Variants in PPP2R2B observed in about 807,000 individuals in gnomAD.
PPP2R2B encodes the protein serine/threonine-protein phosphatase 2A 55 kDa regulatory subunit B beta isoform.
In PPP2R2B, 5 loss-of-function variants were observed where a neutral mutation model predicts 46.0. The ratio of observed to expected loss-of-function variants is 0.11; its 90% CI spans 0.06 to 0.23. The LOEUF is 0.23. Among genes scored for constraint, PPP2R2B ranks in the 10% least tolerant of loss-of-function variants. The probability of loss-of-function intolerance (pLI) is 1.00; values close to 1 mark genes in which losing one functional copy is unlikely to be tolerated. For missense variants in PPP2R2B, 367 were observed against 575.0 expected (o/e 0.64, Z 3.70); for synonymous variants, 215 against 206.7 (o/e 1.04, Z -0.34).
intron 4 of PPP2R2B, 140 bp from the exon 5 acceptor site, chr5:146,691,380 T>C: frequency 1.6e-6 from 1 of 627,254 alleles, no homozygotes; most frequent in Non-Finnish European, 2.8e-6. Flanking sequence ...ACGTTTGGCG[T>C]GCATAAATCC....
intron 1 of PPP2R2B, among the ~76,000 whole-genome samples, chr5:147,031,046 C>T (rs1019361678): frequency 6.6e-6 from 1 of 152,072 alleles, no homozygotes; most frequent in African/African-American, 2.4e-5. Context: ...ACCATCCTGA[C>T]TAACACGGTA....
chr5:146,674,986 T>C (rs1237542839), intron 5 of PPP2R2B, among the ~76,000 whole-genome samples: 2 of 152,114 alleles, frequency 1.3e-5, no homozygotes, highest in African/African-American at 4.8e-5. Flanking sequence ...TTATTAGAGA[T>C]GGAGTCTCGC....
intron 6 of PPP2R2B, among the ~76,000 whole-genome samples, chr5:146,646,145 C>T (rs576229845): frequency 2.0e-5 from 3 of 152,286 alleles, no homozygotes; most frequent in Admixed American, 6.5e-5. Flanking sequence ...ACTCTGAAAG[C>T]GGCAAATTTG....
chr5:146,779,424 G>A (rs1413539941), intron 2 of PPP2R2B, among the ~76,000 whole-genome samples: 3 of 152,114 alleles, frequency 2.0e-5, no homozygotes, highest in Admixed American at 6.5e-5. Flanking sequence ...ATTTGCAGAA[G>A]CCTTGACATC....
intron 5 of PPP2R2B, among the ~76,000 whole-genome samples, chr5:146,685,185 A>G (rs1778414989): frequency 6.7e-6 from 1 of 150,060 alleles, no homozygotes; most frequent in Non-Finnish European, 1.5e-5. Flanking sequence ...CATGCCATAA[A>G]TAGTCCTAAT....
chr5:146,962,213 T>C (rs1381515536), intron 1 of PPP2R2B, among the ~76,000 whole-genome samples: 2 of 150,320 alleles, frequency 1.3e-5, no homozygotes, highest in African/African-American at 4.9e-5. Flanking sequence ...CTTGTTTTTT[T>C]CTTTGGGTCA....
intron 7 of PPP2R2B, among the ~76,000 whole-genome samples, chr5:146,616,402 T>C (rs1773173372): frequency 6.6e-6 from 1 of 152,064 alleles, no homozygotes; most frequent in Non-Finnish European, 1.5e-5. Flanking sequence ...AGTTAAAACA[T>C]TTCTGCACAG....
chr5:147,013,322 C>T (rs1482722843), intron 1 of PPP2R2B, among the ~76,000 whole-genome samples: 2 of 101,302 alleles, frequency 2.0e-5, no homozygotes, highest in African/African-American at 6.0e-5. Flanking sequence ...AGGTAATTTA[C>T]AGATTCAATG....
intron 5 of PPP2R2B, among the ~76,000 whole-genome samples, chr5:146,667,556 A>C (rs1454629961): frequency 6.6e-6 from 1 of 151,422 alleles, no homozygotes; most frequent in Non-Finnish European, 1.5e-5. Flanking sequence ...TAAGAACAGA[A>C]ACCTTCCTAA....
intron 1 of PPP2R2B, among the ~76,000 whole-genome samples, chr5:146,897,008 G>T (rs115148409): frequency 0.012 from 1,900 of 152,230 alleles, 41 homozygotes; most frequent in African/African-American, 0.044. Context: ...GATGAACTGA[G>T]CATATATTTG....
chr5:147,019,515 G>A (rs1351918489), intron 1 of PPP2R2B, among the ~76,000 whole-genome samples: 4 of 152,154 alleles, frequency 2.6e-5, no homozygotes, highest in African/African-American at 4.8e-5. Context: ...TGACCTGAAT[G>A]AAAGGATTGA....
chr5:146,680,967 C>A (rs557680641), intron 5 of PPP2R2B, among the ~76,000 whole-genome samples: 8 of 152,110 alleles, frequency 5.3e-5, no homozygotes, highest in African/African-American at 1.9e-4. Context: ...TGTTTTTATG[C>A]GTCAAAGACA....
At chr5:146,803,922 C>G (rs776592273) in intron 2 of PPP2R2B, among the ~76,000 whole-genome samples, 3 of 152,112 alleles carry the variant, frequency 2.0e-5, no homozygotes, top group African/African-American at 7.2e-5. Flanking sequence ...AATCCCAGCA[C>G]TTTGGGAGGC....
chr5:146,788,368 A>G (rs530073919), intron 2 of PPP2R2B, among the ~76,000 whole-genome samples: 1 of 151,766 alleles, frequency 6.6e-6, no homozygotes, highest in East Asian at 1.9e-4. Context: ...AGTAACCTCC[A>G]AAGTAGGGAG....
Position 146,697,963 on chromosome 5 carries a change from C to T in PPP2R2B, c.334+16G>A, listed in dbSNP as rs6879694. 0.16 allele frequency: 255,749 copies of T among 1,597,466 alleles called. 21,557 individuals are homozygous for T. Among genetic ancestry groups the T allele is most frequent in the East Asian group, 0.27 (12,136 of 44,540 alleles). ...CGACTGTATCTCTGAAAATACCAAACAGGAATTCCACCTACCATTAGTAGA... is the reference window on the plus strand; with the variant it reads ...CGACTGTATCTCTGAAAATACCAAATAGGAATTCCACCTACCATTAGTAGA... On this transcript the variant is annotated intron_variant, in intron 4 of 9. Transcript: ENST00000394411.
intron 1 of PPP2R2B, among the ~76,000 whole-genome samples, chr5:146,900,990 C>G (rs183311397): frequency 6.6e-6 from 1 of 152,238 alleles, no homozygotes; most frequent in Non-Finnish European, 1.5e-5. Context: ...GCATAGTATT[C>G]CATGGTATAT....
At chr5:147,016,702 A>G (rs1458985651) in intron 1 of PPP2R2B, among the ~76,000 whole-genome samples, 1 of 151,624 alleles carries the variant, frequency 6.6e-6, no homozygotes, top group Non-Finnish European at 1.5e-5. Context: ...ATGGCAGCTG[A>G]GCTAAACTAC....
intron 6 of PPP2R2B, among the ~76,000 whole-genome samples, chr5:146,645,946 A>G (rs1775552525): frequency 6.6e-6 from 1 of 152,190 alleles, no homozygotes; most frequent in Admixed American, 6.5e-5. Flanking sequence ...CACACTGAAC[A>G]CATGTCTCCA....
At chr5:146,810,880 C>CCCA (rs1358432020) in intron 2 of PPP2R2B, among the ~76,000 whole-genome samples, 1 of 128,632 alleles carries the variant, frequency 7.8e-6, no homozygotes, top group Non-Finnish European at 1.6e-5. Flanking sequence ...CCCCTCCCCC[C>CCCA]ACCCCACAAC....
Sources: gnomAD v4.1 joint callset for allele counts (sites outside exome capture counted in the v4.1 genomes callset) on GRCh38, gnomAD v4.1.1 for gene constraint, MANE v1.5 for transcripts, NCBI Gene and HGNC (gene_info 2026-07-23, HGNC 2026-07-21) for gene names.